HPR: variants seen among roughly 807,000 people sequenced by gnomAD.
HPR encodes the protein Haptoglobin-related locus.
HPR carries 17 observed loss-of-function variants against 18.5 expected under a neutral mutation model. That is an observed-to-expected ratio of 0.92 (90% CI 0.63 to 1.38). The LOEUF is 1.38. Ranked by LOEUF, HPR falls within the 40% of genes most tolerant of loss-of-function variation. HPR has a pLI of 0.00. For missense variants in HPR, 457 were observed against 432.4 expected (o/e 1.06, Z -0.51); for synonymous variants, 176 against 165.0 (o/e 1.07, Z -0.51).
In HPR at chr16:72,076,354, G is replaced by A. The variant is rs552431917; in HGVS notation, c.320G>A (p.Gly107Glu). The change falls in exon 5 of 5, where the codon GGA becomes GAA. Residue 107 changes from glycine to glutamate, a missense_variant. Coordinates refer to ENST00000540303, the MANE Select transcript of HPR (RefSeq NM_020995.4). ...AACCCAGTGCAGCGGATCCTGGGTG[G>A]ACACCTGGATGCCAAAGGCAGCTTT... ...PANPVQRILG[G>E]HLDAKGSFPW... The A allele has an allele frequency of 6.2e-7, 1 of 1,613,982 alleles. No homozygotes were observed. The highest frequency in any genetic ancestry group is 1.3e-5 in the African/African-American group (1 of 75,028).
intron 1 of HPR, among the ~76,000 whole-genome samples, chr16:72,068,837 A>C (rs908981405): frequency 6.6e-6 from 1 of 152,150 alleles, no homozygotes; most frequent in African/African-American, 2.4e-5. Context: ...GAAGGTGACT[A>C]ACTGACTCCA....
intron 3 of HPR, chr16:72,074,887 C>A (rs1567590589): frequency 2.9e-6 from 2 of 678,454 alleles, no homozygotes; most frequent in Non-Finnish European, 5.3e-6. Context: ...GGATTTGAAC[C>A]CTGAGCCCTC....
chr16:72,064,793 T>C (rs766471353), intron 1 of HPR, among the ~76,000 whole-genome samples: 69 of 152,308 alleles, frequency 4.5e-4, no homozygotes, highest in Middle Eastern at 3.4e-3. Flanking sequence ...TGGTGGCCCA[T>C]ACAGGGAAAA....
rs1335807670 is a variant in HPR, at chr16:72,076,551, G to C, written c.517G>C (p.Val173Leu). Reference protein sequence around the residue: ...LTLYVGKKQLVEIEKVVLHPN... With the variant: ...LTLYVGKKQLLEIEKVVLHPN... The stretch of plus-strand genomic sequence containing the variant: ...ACTCTATGTGGGGAAAAAGCAGCTT[G>C]TAGAGATTGAGAAGGTGGTTCTACA... The change falls in exon 5 of 5, where the codon GTA (valine) becomes CTA (leucine). Residue 173 changes from valine (V) to leucine (L), a missense_variant. Coordinates refer to ENST00000540303, the MANE Select transcript of HPR (RefSeq NM_020995.4). 1.9e-6 allele frequency: 3 copies of C among 1,614,070 alleles called. No homozygotes were observed. The Admixed American group carries it at 5.0e-5, about 27-fold the overall frequency.
chr16:72,074,815 CAG>C, intron 3 of HPR: 1 of 650,500 alleles, frequency 1.5e-6, no homozygotes, highest in South Asian at 1.8e-5. Flanking sequence ...GATAAGGAAA[CAG>C]AGGCACCGAC....
intron 1 of HPR, among the ~76,000 whole-genome samples, chr16:72,069,091 G>C (rs1015938791): frequency 6.6e-6 from 1 of 152,040 alleles, no homozygotes; most frequent in African/African-American, 2.4e-5. Flanking sequence ...CCTAATAATT[G>C]GTCTGCCCAA....
intron 1 of HPR, among the ~76,000 whole-genome samples, chr16:72,064,530 C>T (rs1431008469): frequency 6.6e-6 from 1 of 152,212 alleles, no homozygotes; most frequent in African/African-American, 2.4e-5. Context: ...CATTCCTGCA[C>T]TTTGCAAGTT....
chr16:72,064,814 C>T lies in HPR; in HGVS notation c.5+1554C>T, dbSNP rs148128974. 2.2e-4 allele frequency among the ~76,000 whole-genome samples: 34 copies of T among 152,268 alleles called. 1 individual carries two copies. The East Asian group carries it at 5.0e-3, about 23-fold the overall frequency. ...CCCATACAGGGAAAACATTGTCCTC[C>T]GGGAAAGGGTCTTTGATCACCTCTT... On this transcript the variant is annotated intron_variant, in intron 1 of 4. Transcript: ENST00000540303.
Position 72,070,357 on chromosome 16 carries a change from C to T in HPR, c.6-3535C>T, listed in dbSNP as rs376737616. ...AAGACTAAAGGTCTCCTAGCACAGG[C>T]GCCACCGCTGGAGTTTCCAGCACAT... On this transcript the variant is annotated intron_variant, in intron 1 of 4. Transcript: ENST00000540303. Among the ~76,000 whole-genome samples, 26 of 152,296 alleles carry T rather than the reference C, an allele frequency of 1.7e-4. No homozygotes were observed. The East Asian group carries it at 4.5e-3, about 26-fold the overall frequency.
intron 4 of HPR, among the ~76,000 whole-genome samples, chr16:72,075,718 C>T (rs563254043): frequency 7.4e-4 from 112 of 152,276 alleles, no homozygotes; most frequent in South Asian, 1.5e-3. Flanking sequence ...CAACCTGCCT[C>T]GTATTAACTG....
chr16:72,074,783 A>C (rs1402083239), intron 3 of HPR: 1 of 668,866 alleles, frequency 1.5e-6, no homozygotes, highest in Non-Finnish European at 2.7e-6. Flanking sequence ...CACTGAATAG[A>C]GGTTATTATT....
At chr16:72,073,743 T>C in intron 1 of HPR, 149 bp from the exon 2 acceptor site, 1 of 1,566,242 alleles carries the variant, frequency 6.4e-7, no homozygotes, top group Non-Finnish European at 8.6e-7. Context: ...TTGATTTTCT[T>C]TTCTGGCTGC....
At position 72,073,906 on chromosome 16, in the gene HPR, T is replaced by G; in HGVS notation, c.20T>G (p.Val7Gly). Residue 7 changes from valine (V) to glycine (G), a missense_variant, in exon 2 of 5, where the codon GTC (valine) becomes GGC (glycine). By Grantham distance (109) the Val-to-Gly change is moderately radical. Transcript: ENST00000540303. MSDLGA[V>G]ISLLLWGRQL... The stretch of plus-strand genomic sequence containing the variant: ...TCTCTCTGCAGTGACCTGGGAGCTG[T>G]CATTTCCCTCCTGCTCTGGGGACGA... 1 of 1,614,030 alleles carries G rather than the reference T, an allele frequency of 6.2e-7. No individual in the cohort carries two copies. Among genetic ancestry groups the G allele is most frequent in the Non-Finnish European group, 8.5e-7 (1 of 1,180,006 alleles).
At chr16:72,070,364 G>A (rs1295860824) in intron 1 of HPR, among the ~76,000 whole-genome samples, 2 of 152,180 alleles carry the variant, frequency 1.3e-5, no homozygotes, top group African/African-American at 2.4e-5. Flanking sequence ...AGGCGCCACC[G>A]CTGGAGTTTC....
chr16:72,066,022 T>C (rs369402128), intron 1 of HPR, among the ~76,000 whole-genome samples: 1 of 152,196 alleles, frequency 6.6e-6, no homozygotes, highest in Non-Finnish European at 1.5e-5. Context: ...CAAGAGCCTG[T>C]TCATTGCCAA....
chr16:72,070,525 G>A (rs532579118), intron 1 of HPR, among the ~76,000 whole-genome samples: 12 of 152,258 alleles, frequency 7.9e-5, no homozygotes, highest in East Asian at 1.9e-4. Context: ...GATCACACCC[G>A]CGTCAAAAAG....
chr16:72,072,249 C>G (rs1310990189), intron 1 of HPR, among the ~76,000 whole-genome samples: 1 of 152,116 alleles, frequency 6.6e-6, no homozygotes, highest in Non-Finnish European at 1.5e-5. Context: ...CTCAGGTTAT[C>G]TGCCTGCCTC....
At chr16:72,063,554 G>A (rs982210144) in intron 1 of HPR, among the ~76,000 whole-genome samples, 10 of 151,898 alleles carry the variant, frequency 6.6e-5, no homozygotes, top group Non-Finnish European at 1.5e-4. Context: ...CCTGGCATTC[G>A]GAATATATTT....
chr16:72,069,180 T>C (rs1346646630), intron 1 of HPR, among the ~76,000 whole-genome samples: 1 of 152,142 alleles, frequency 6.6e-6, no homozygotes, highest in South Asian at 2.1e-4. Flanking sequence ...TGATTCTAAG[T>C]ATGCCTTTGG....
Sources: gnomAD v4.1 joint callset for allele counts (sites outside exome capture counted in the v4.1 genomes callset) on GRCh38, gnomAD v4.1.1 for gene constraint, MANE v1.5 for transcripts, NCBI Gene and HGNC (gene_info 2026-07-23, HGNC 2026-07-21) for gene names.